The following RBFOX3 variants were observed in gnomAD, a reference collection of about 807,000 sequenced individuals.
The protein encoded by RBFOX3 is RNA binding fox-1 homolog 3.
In RBFOX3, 17 loss-of-function variants were observed where a neutral mutation model predicts 48.7. The ratio of observed to expected loss-of-function variants is 0.35; its 90% CI spans 0.24 to 0.52. RBFOX3 has a LOEUF of 0.52. RBFOX3 is among the 20% of genes least tolerant of loss of function. RBFOX3 has a pLI of 0.94. For missense variants in RBFOX3, 382 were observed against 497.5 expected, an observed-to-expected ratio of 0.77 and a Z score of 2.21; for synonymous variants, 212 against 209.5, an observed-to-expected ratio of 1.01 and a Z score of -0.10.
chr17:79,620,196 C>T, the RBFOX3 span, among the ~76,000 whole-genome samples: 1 of 150,634 alleles, frequency 6.6e-6, no homozygotes, highest in Non-Finnish European at 1.5e-5. Flanking sequence ...TGCACATGCA[C>T]ACACGTGCAC....
intron 2 of RBFOX3, among the ~76,000 whole-genome samples, chr17:79,308,485 CT>C (rs2076380091): frequency 6.6e-6 from 1 of 152,182 alleles, no homozygotes; most frequent in Admixed American, 6.5e-5. Flanking sequence ...CTGCTAGACA[CT>C]GGGTGGGGGC....
chr17:79,486,100 T>C (rs1227172129), intron 1 of RBFOX3, among the ~76,000 whole-genome samples: 1 of 151,792 alleles, frequency 6.6e-6, no homozygotes, highest in African/African-American at 2.4e-5. Context: ...GCAGAAGGAG[T>C]GGAACCACGG....
rs1242095983 is a variant in RBFOX3, at chr17:79,559,081, G to A, written c.-320+51745C>T. 2.6e-5 allele frequency among the ~76,000 whole-genome samples: 4 copies of A among 152,122 alleles called. 1 individual carries two copies. Among genetic ancestry groups the A allele is most frequent in the African/African-American group, 9.7e-5 (4 of 41,420 alleles). ...GGGCCTGGGAACCTCAGTCTTACAC[G>A]GGCAGCAGCACTGATGACCTCACAA... On this transcript the variant is annotated intron_variant, in intron 1 of 14. Transcript: ENST00000693108.
rs117488341 is a variant in RBFOX3 at position 79,303,318 on chromosome 17, A to C, written c.-74+4406T>G. 2.7e-3 allele frequency among the ~76,000 whole-genome samples: 413 copies of C among 152,340 alleles called. 3 individuals carry two copies. Among genetic ancestry groups the C allele is most frequent in the Non-Finnish European group, 4.7e-3 (319 of 68,042 alleles). ...AATATGTTTACTGATTATGCGGTAT[A>C]TGGTTGCACAAATATACACACAAAT... On this transcript the variant is annotated intron_variant, in intron 3 of 14. Coordinates refer to ENST00000693108, the MANE Select transcript of RBFOX3 (RefSeq NM_001350451.2).
chr17:79,116,882 C>CA (rs2147042901), intron 4 of RBFOX3, among the ~76,000 whole-genome samples: 2 of 152,390 alleles, frequency 1.3e-5, no homozygotes, highest in African/African-American at 4.8e-5. Flanking sequence ...CCCACAGCAT[C>CA]AGCAGCACCT....
chr17:79,399,218 T>A (rs1330364133), intron 2 of RBFOX3, among the ~76,000 whole-genome samples: 1 of 151,992 alleles, frequency 6.6e-6, no homozygotes, highest in Non-Finnish European at 1.5e-5. Context: ...AAAAATCTTG[T>A]GTTTCCAGCC....
intron 1 of RBFOX3, among the ~76,000 whole-genome samples, chr17:79,541,991 A>T (rs373812790): frequency 6.6e-6 from 1 of 150,858 alleles, no homozygotes; most frequent in African/African-American, 2.4e-5. Flanking sequence ...CTTTTTACAG[A>T]ACAAAACCAT....
At chr17:79,405,412 TTTTTTC>T (rs1306094439) in intron 2 of RBFOX3, among the ~76,000 whole-genome samples, 2 of 152,214 alleles carry the variant, frequency 1.3e-5, no homozygotes, top group African/African-American at 4.8e-5. Flanking sequence ...TTTACATTTT[TTTTTTC>T]TTTTGAGGTA....
At position 79,486,101 on chromosome 17, in the gene RBFOX3, G is replaced by A. The variant is rs1057328219; in HGVS notation, c.-319-3503C>T. 1.8e-4 allele frequency among the ~76,000 whole-genome samples: 28 copies of A among 152,356 alleles called. 1 individual carries two copies. Among genetic ancestry groups the A allele is most frequent in the African/African-American group, 6.5e-4 (27 of 41,592 alleles). On this transcript the variant is annotated intron_variant, in intron 1 of 14. Transcript: ENST00000693108. ...CAGGCTTGTGGCTGGCAGAAGGAGT[G>A]GAACCACGGTGGGAGGCAAAAGGCC...
intron 2 of RBFOX3, among the ~76,000 whole-genome samples, chr17:79,316,780 A>G (rs891726172): frequency 6.6e-6 from 1 of 152,250 alleles, no homozygotes; most frequent in East Asian, 1.9e-4. Context: ...TAATGTTTTC[A>G]TTGTTTTAGT....
At chr17:79,160,081 C>T (rs944224440) in intron 4 of RBFOX3, among the ~76,000 whole-genome samples, 4 of 152,250 alleles carry the variant, frequency 2.6e-5, no homozygotes, top group East Asian at 1.9e-4. Flanking sequence ...GAACGCTCCG[C>T]TCGAGTAGTA....
At chr17:79,366,820 A>C (rs375124202) in intron 2 of RBFOX3, among the ~76,000 whole-genome samples, 2 of 152,290 alleles carry the variant, frequency 1.3e-5, no homozygotes, top group African/African-American at 4.8e-5. Context: ...GCCCACCTGG[A>C]GCCCCTTCCG....
chr17:79,369,525 CCCAGG>C (rs1388975252), intron 2 of RBFOX3, among the ~76,000 whole-genome samples: 1 of 152,192 alleles, frequency 6.6e-6, no homozygotes, highest in Admixed American at 6.5e-5. Context: ...GGCGCCTCCT[CCCAGG>C]CCTTTCCCTT....
chr17:79,581,678 G>C (rs1298790537), intron 1 of RBFOX3, among the ~76,000 whole-genome samples: 4 of 152,262 alleles, frequency 2.6e-5, no homozygotes, highest in Non-Finnish European at 5.9e-5. Flanking sequence ...GAAGAGAAGA[G>C]AGCTGTACTT....
intron 4 of RBFOX3, among the ~76,000 whole-genome samples, chr17:79,196,212 T>C (rs8067975): frequency 0.14 from 21,020 of 152,046 alleles, 1,582 homozygotes; most frequent in East Asian, 0.24. Context: ...TTGGATCATC[T>C]TGAGCTCCTA....
intron 2 of RBFOX3, among the ~76,000 whole-genome samples, chr17:79,365,874 C>T (rs1298432315): frequency 2.0e-5 from 3 of 152,216 alleles, no homozygotes; most frequent in Non-Finnish European, 4.4e-5. Flanking sequence ...AGCACAGCGG[C>T]CACACCTCTG....
At chr17:79,427,442 G>C (rs545637726) in intron 2 of RBFOX3, among the ~76,000 whole-genome samples, 11 of 152,330 alleles carry the variant, frequency 7.2e-5, no homozygotes, top group Non-Finnish European at 1.3e-4. Context: ...CCTGCTCCTT[G>C]CAACACTGAT....
chr17:79,362,822 G>A lies in RBFOX3; in HGVS notation c.-174-54998C>T, dbSNP rs996987813. 6.6e-6 allele frequency among the ~76,000 whole-genome samples: 1 copy of A among 152,154 alleles called. No homozygotes were observed. The highest frequency in any genetic ancestry group is 2.4e-5 in the African/African-American group (1 of 41,436). On this transcript the variant is annotated intron_variant, in intron 2 of 14. Transcript: ENST00000693108. This position sits in a 1 kb window ranked among gnomAD's most constrained non-coding sequence, Gnocchi z 4.2. ...CACAGCTATGAGAGAGGGGTAAAGC[G>A]GGAACATCAGACAACCCTGAACGCC...
chr17:79,389,559 G>A (rs1040476895), intron 2 of RBFOX3, among the ~76,000 whole-genome samples: 3 of 152,170 alleles, frequency 2.0e-5, no homozygotes, highest in Admixed American at 6.5e-5. Context: ...TAAACACTGA[G>A]TCCCCCACCC....
Sources: gnomAD v4.1 joint callset for allele counts (sites outside exome capture counted in the v4.1 genomes callset) on GRCh38, gnomAD v4.1.1 for gene constraint, Gnocchi (gnomAD v3.1) non-coding constraint, MANE v1.5 for transcripts, NCBI Gene and HGNC (gene_info 2026-07-23, HGNC 2026-07-21) for gene names.